The following NFIB variants were observed in gnomAD, a reference collection of about 807,000 sequenced individuals.
The protein encoded by NFIB is nuclear factor 1 B-type.
A neutral mutation model predicts 61.5 loss-of-function variants in NFIB; 11 were observed. The ratio of observed to expected loss-of-function variants is 0.18; its 90% CI spans 0.11 to 0.30. NFIB has a LOEUF of 0.30. Ranked by LOEUF, NFIB falls within the 10% of genes least tolerant of loss-of-function variation. The pLI is 1.00. For synonymous variants in NFIB, 260 were observed against 216.5 expected (o/e 1.20, Z -1.76); for missense variants, 471 against 608.9 (o/e 0.77, Z 2.38).
intron 2 of NFIB, among the ~76,000 whole-genome samples, chr9:14,293,837 G>C (rs1197526765): frequency 3.9e-5 from 6 of 152,074 alleles, no homozygotes; most frequent in African/African-American, 1.4e-4. Context: ...GATCTCAGGG[G>C]AAAAGTAAGT....
At chr9:14,446,882 AC>A in the NFIB span, among the ~76,000 whole-genome samples, 2 of 152,150 alleles carry the variant, frequency 1.3e-5, no homozygotes, top group Non-Finnish European at 2.9e-5. Flanking sequence ...CTTGGTAAAC[AC>A]ATTTTTTCTT....
rs1435099220 is a variant in NFIB, at chr9:14,085,717, C to CT, written c.*2591dup. 1 of 219,562 alleles carries CT rather than the reference C, an allele frequency of 4.6e-6. No homozygotes were observed. The allele number at this position is 219,562 out of a possible 1,614,324, so 13.6% of individuals were successfully genotyped here. ...GATATTAAAAAAAAATCCAAGTGCA[C>CT]TGCCATCCATTTGAAGTAGTAAGTC... On this transcript the variant is annotated 3_prime_UTR_variant, in exon 11 of 11. Transcript: ENST00000380953.
At position 14,313,866 on chromosome 9, in the gene NFIB, G is replaced by A; in HGVS notation, c.-355C>T. On this transcript the variant is annotated 5_prime_UTR_variant, in exon 1 of 11. Coordinates refer to ENST00000380953, the MANE Select transcript of NFIB (RefSeq NM_001190737.2). The surrounding 1 kb of genome is among the most constrained non-coding windows in gnomAD (Gnocchi z 4.5). ...TATTTTGCAGTTGTTGTTGTTGTTG[G>A]GGTGTAGGGGGTGCGCGAAGGTTCG... 8.8e-7 allele frequency: 1 copy of A among 1,134,302 alleles called. No homozygotes were observed. Among genetic ancestry groups the A allele is most frequent in the Non-Finnish European group, 1.1e-6 (1 of 922,904 alleles). The allele number at this position is 1,134,302 out of a possible 1,614,324, so 70.3% of individuals were successfully genotyped here.
Position 14,313,923 on chromosome 9 carries a change from T to C in NFIB, c.-412A>G, listed in dbSNP as rs2060412545. ...GTTGGATTGGGGTGGTGGTTGGTGG[T>C]AAAATGCTTTTTCAAAAAAGGCGGG... On this transcript the variant is annotated 5_prime_UTR_variant, in exon 1 of 11. Coordinates refer to ENST00000380953, the MANE Select transcript of NFIB (RefSeq NM_001190737.2). The surrounding 1 kb of genome is among the most constrained non-coding windows in gnomAD (Gnocchi z 4.5). The C allele has an allele frequency of 6.4e-6, 6 of 940,954 alleles. No homozygotes were observed. The highest frequency in any genetic ancestry group is 1.2e-4 in the Admixed American group (1 of 8,324). The allele number at this position is 940,954 out of a possible 1,614,324, so 58.3% of individuals were successfully genotyped here. A position where few individuals can be genotyped will look rare whatever the true frequency, so the allele number is the denominator to read the frequency against.
rs1167605932 is a variant in NFIB at position 14,313,882 on chromosome 9, C to G, written c.-371G>C. ...TTGTTGTTGGGGTGTAGGGGGTGCG[C>G]GAAGGTTCGGTGTGGGTTGGATTGG... On this transcript the variant is annotated 5_prime_UTR_variant, in exon 1 of 11. Coordinates refer to ENST00000380953, the MANE Select transcript of NFIB (RefSeq NM_001190737.2). The surrounding 1 kb of genome is among the most constrained non-coding windows in gnomAD (Gnocchi z 4.5). 1.2e-5 allele frequency: 13 copies of G among 1,090,810 alleles called. No individual in the cohort carries two copies. The highest frequency in any genetic ancestry group is 1.4e-5 in the Non-Finnish European group (13 of 897,712). The allele number at this position is 1,090,810 out of a possible 1,614,324, so 67.6% of individuals were successfully genotyped here.
chr9:14,181,997 G>A (rs1451496621), intron 2 of NFIB, among the ~76,000 whole-genome samples: 7 of 152,128 alleles, frequency 4.6e-5, no homozygotes, highest in Non-Finnish European at 1.0e-4. Flanking sequence ...TAAAATTTGG[G>A]TCCAGCAGAG....
chr9:14,261,285 C>A (rs569624403), intron 2 of NFIB, among the ~76,000 whole-genome samples: 110 of 152,174 alleles, frequency 7.2e-4, no homozygotes, highest in African/African-American at 2.6e-3. Context: ...CCATTGCACT[C>A]CAGCCTGGGC....
At chr9:14,525,486 G>C in the NFIB span, among the ~76,000 whole-genome samples, 1 of 152,226 alleles carries the variant, frequency 6.6e-6, no homozygotes, top group South Asian at 2.1e-4. Flanking sequence ...TTATTGCTCT[G>C]TGCTGAAGAC....
At chr9:14,425,247 T>C in the NFIB span, among the ~76,000 whole-genome samples, 1 of 152,190 alleles carries the variant, frequency 6.6e-6, no homozygotes, top group Non-Finnish European at 1.5e-5. Flanking sequence ...CTACAGTGAT[T>C]CTTAGTGTCA....
chr9:14,318,734 G>C (rs999828623), upstream of NFIB, among the ~76,000 whole-genome samples: 6 of 152,074 alleles, frequency 3.9e-5, no homozygotes, highest in African/African-American at 1.2e-4. Context: ...TCATACATGT[G>C]TAGTCTGGAA....
At chr9:14,503,393 T>C in the NFIB span, among the ~76,000 whole-genome samples, 2 of 152,178 alleles carry the variant, frequency 1.3e-5, no homozygotes, top group African/African-American at 4.8e-5. Flanking sequence ...GTTGTGCTAG[T>C]TGACATTCCC....
intron 2 of NFIB, among the ~76,000 whole-genome samples, chr9:14,240,717 C>T (rs768662431): frequency 1.3e-5 from 2 of 152,150 alleles, no homozygotes; most frequent in Non-Finnish European, 2.9e-5. Context: ...ATACCGTCTG[C>T]GTTGTACTTC....
the NFIB span, among the ~76,000 whole-genome samples, chr9:14,445,058 T>C: frequency 1.3e-5 from 2 of 152,180 alleles, no homozygotes; most frequent in African/African-American, 2.4e-5. Context: ...GCTTCGTCCA[T>C]GTTGATGTGT....
intron 3 of NFIB, among the ~76,000 whole-genome samples, chr9:14,170,290 T>A (rs575363199): frequency 2.0e-5 from 3 of 152,070 alleles, no homozygotes; most frequent in African/African-American, 7.2e-5. Flanking sequence ...ATCTTGTAAA[T>A]ATGGAGAGGG....
chr9:14,517,551 C>T, the NFIB span, among the ~76,000 whole-genome samples: 853 of 152,176 alleles, frequency 5.6e-3, 6 homozygotes, highest in Middle Eastern at 0.017. Flanking sequence ...ACTTGATCTA[C>T]GTCTGTGAAG....
At chr9:14,271,619 G>A (rs1195996958) in intron 2 of NFIB, among the ~76,000 whole-genome samples, 1 of 152,138 alleles carries the variant, frequency 6.6e-6, no homozygotes, top group Admixed American at 6.5e-5. Flanking sequence ...CTGGAAATAT[G>A]GATCCTATCT....
intron 9 of NFIB, among the ~76,000 whole-genome samples, chr9:14,113,396 CT>C (rs2037673853): frequency 6.6e-6 from 1 of 152,134 alleles, no homozygotes. Context: ...TAGAAGGGCC[CT>C]GTTCCTAGAC....
At chr9:14,175,710 G>A (rs1364092380) in intron 3 of NFIB, among the ~76,000 whole-genome samples, 2 of 152,118 alleles carry the variant, frequency 1.3e-5, no homozygotes, top group East Asian at 1.9e-4. Context: ...CTACAAAAAG[G>A]AAAGTAGCAT....
chr9:14,140,071 CT>C (rs1225847694), intron 6 of NFIB, among the ~76,000 whole-genome samples: 1 of 152,262 alleles, frequency 6.6e-6, no homozygotes, highest in East Asian at 1.9e-4. Flanking sequence ...TTGTAGCTCT[CT>C]TTTTTTCTGG....
Sources: gnomAD v4.1 joint callset for allele counts (sites outside exome capture counted in the v4.1 genomes callset) on GRCh38, gnomAD v4.1.1 for gene constraint, Gnocchi (gnomAD v3.1) non-coding constraint, MANE v1.5 for transcripts, NCBI Gene and HGNC (gene_info 2026-07-23, HGNC 2026-07-21) for gene names.